The following ATP8A2 variants were observed in gnomAD, a reference collection of about 807,000 sequenced individuals.
ATP8A2 encodes ATPase phospholipid transporting 8A2.
ATP8A2 carries 100 observed loss-of-function variants against 165.6 expected under a neutral mutation model. That is an observed-to-expected ratio of 0.60 (90% CI 0.51 to 0.71). ATP8A2 has a LOEUF of 0.71. Among genes scored for constraint, ATP8A2 ranks in the 30% least tolerant of loss-of-function variants. The pLI, the probability that ATP8A2 is intolerant of heterozygous loss-of-function variation, is 0.00. For synonymous variants in ATP8A2, 543 were observed against 548.8 expected, an observed-to-expected ratio of 0.99 and a Z score of 0.15; for missense variants, 1,227 against 1,479.5, an observed-to-expected ratio of 0.83 and a Z score of 2.80.
rs142425548 is a variant in ATP8A2, at chr13:25,902,787, G to A, written c.3183+40379G>A. On this transcript the variant is annotated intron_variant, in intron 33 of 36. Coordinates refer to ENST00000381655, the MANE Select transcript of ATP8A2 (RefSeq NM_016529.6). Reference sequence around the variant, plus strand: ...TCTTATAGTGACCCCAATTCTATGTGTTCAGCCCAGACCTCTTCCTGAACC... The same window carrying A: ...TCTTATAGTGACCCCAATTCTATGTATTCAGCCCAGACCTCTTCCTGAACC... Among the ~76,000 whole-genome samples, 377 of 152,194 alleles carry A rather than the reference G, an allele frequency of 2.5e-3. 3 individuals carry two copies. Among genetic ancestry groups the A allele is most frequent in the African/African-American group, 7.9e-3 (330 of 41,518 alleles).
intron 1 of ATP8A2, among the ~76,000 whole-genome samples, chr13:25,429,447 G>A (rs1053913153): frequency 6.6e-6 from 1 of 151,864 alleles, no homozygotes; most frequent in East Asian, 1.9e-4. Flanking sequence ...TCCGAATTCT[G>A]GGGGATTCAC....
At chr13:25,897,813 C>T (rs1272449587) in intron 33 of ATP8A2, among the ~76,000 whole-genome samples, 2 of 152,230 alleles carry the variant, frequency 1.3e-5, no homozygotes, top group African/African-American at 2.4e-5. Context: ...ACCCTTTCCT[C>T]CAGTTGATTG....
intron 10 of ATP8A2, among the ~76,000 whole-genome samples, chr13:25,544,854 G>T (rs1389323165): frequency 6.6e-6 from 1 of 151,882 alleles, no homozygotes; most frequent in Non-Finnish European, 1.5e-5. Context: ...GTGTGGCCTG[G>T]CTACGGGGGA....
At chr13:25,732,690 A>G (rs2138098285) in intron 25 of ATP8A2, among the ~76,000 whole-genome samples, 1 of 152,300 alleles carries the variant, frequency 6.6e-6, no homozygotes, top group South Asian at 2.1e-4. Flanking sequence ...GCTAAGTGAT[A>G]ACAGAATGGA....
intron 6 of ATP8A2, among the ~76,000 whole-genome samples, chr13:25,536,291 T>A (rs2137957169): frequency 6.6e-6 from 1 of 151,874 alleles, no homozygotes; most frequent in African/African-American, 2.4e-5. Context: ...TTTTTTTTTT[T>A]TTTTAGTGAG....
At position 25,904,680 on chromosome 13, in the gene ATP8A2, A is replaced by G. The variant is rs117666830; in HGVS notation, c.3183+42272A>G. On this transcript the variant is annotated intron_variant, in intron 33 of 36. Coordinates refer to ENST00000381655, the MANE Select transcript of ATP8A2 (RefSeq NM_016529.6). Reference sequence around the variant, plus strand: ...AATGTCAGTGTTATAGTTTTCCCTAATGCTCTCTCTTTTTCCTCACATCTC... The same window carrying G: ...AATGTCAGTGTTATAGTTTTCCCTAGTGCTCTCTCTTTTTCCTCACATCTC... Among the ~76,000 whole-genome samples the G allele has an allele frequency of 2.0e-3, 299 of 152,116 alleles. 2 individuals are homozygous for G. The highest frequency in any genetic ancestry group is 3.4e-3 in the Non-Finnish European group (233 of 67,992).
intron 2 of ATP8A2, among the ~76,000 whole-genome samples, chr13:25,501,881 G>C (rs2036862896): frequency 6.6e-6 from 1 of 152,210 alleles, no homozygotes; most frequent in Admixed American, 6.5e-5. Flanking sequence ...TAGAAGAAAG[G>C]AGGGTGAGTT....
chr13:25,506,452 G>A (rs756909546), intron 2 of ATP8A2, among the ~76,000 whole-genome samples: 12 of 152,226 alleles, frequency 7.9e-5, no homozygotes, highest in Non-Finnish European at 1.6e-4. Flanking sequence ...AGGAGGCCAC[G>A]TCTTGGACAT....
At chr13:25,461,077 C>T (rs1168283168) in intron 1 of ATP8A2, among the ~76,000 whole-genome samples, 1 of 152,242 alleles carries the variant, frequency 6.6e-6, no homozygotes, top group Non-Finnish European at 1.5e-5. Flanking sequence ...TGTTACTTCT[C>T]TTTTCATCTT....
chr13:25,589,868 T>C (rs2040024339), intron 24 of ATP8A2, among the ~76,000 whole-genome samples, 169 bp downstream of exon 24: 1 of 152,234 alleles, frequency 6.6e-6, no homozygotes, highest in African/African-American at 2.4e-5. Flanking sequence ...GAAAGCCTTA[T>C]CTTTAAACAT....
chr13:25,983,462 A>G (rs1484181912), intron 35 of ATP8A2, among the ~76,000 whole-genome samples: 1 of 152,234 alleles, frequency 6.6e-6, no homozygotes, highest in South Asian at 2.1e-4. Flanking sequence ...AAAAAATTGC[A>G]CATAATACCT....
At chr13:25,862,083 C>T (rs1952372374) in intron 32 of ATP8A2, among the ~76,000 whole-genome samples, 1 of 152,138 alleles carries the variant, frequency 6.6e-6, no homozygotes, top group African/African-American at 2.4e-5. Context: ...GCACCTTCAT[C>T]TTCAGGGTAC....
At chr13:25,937,537 G>A (rs1427382124) in intron 33 of ATP8A2, among the ~76,000 whole-genome samples, 20 of 150,730 alleles carry the variant, frequency 1.3e-4, no homozygotes, top group African/African-American at 2.7e-4. Context: ...GAAATACCTC[G>A]GGGCCTTTAA....
At chr13:25,910,697 C>T (rs1954079159) in intron 33 of ATP8A2, among the ~76,000 whole-genome samples, 2 of 152,186 alleles carry the variant, frequency 1.3e-5, no homozygotes, top group South Asian at 2.1e-4. Flanking sequence ...TAGGAAAACA[C>T]GCTGTTTCGC....
chr13:25,726,270 A>C (rs2138059663), intron 25 of ATP8A2, among the ~76,000 whole-genome samples: 1 of 152,318 alleles, frequency 6.6e-6, no homozygotes, highest in East Asian at 1.9e-4. Context: ...AATGTAACTC[A>C]ATGTGTCAGG....
chr13:25,498,981 C>T (rs112214097), intron 2 of ATP8A2, among the ~76,000 whole-genome samples: 2 of 152,134 alleles, frequency 1.3e-5, no homozygotes, highest in African/African-American at 4.8e-5. Context: ...TTGTTCTAAT[C>T]AGTACATAGG....
chr13:25,774,766 C>T (rs2044703269), intron 26 of ATP8A2, 83 bp from the exon 27 acceptor site: 2 of 780,596 alleles, frequency 2.6e-6, no homozygotes, highest in South Asian at 1.6e-5. Flanking sequence ...CATTATCTGA[C>T]TTCTGTTCAT....
intron 24 of ATP8A2, among the ~76,000 whole-genome samples, chr13:25,656,740 CAAAA>C (rs11326774): frequency 1.7e-5 from 2 of 114,840 alleles, no homozygotes; most frequent in African/African-American, 3.1e-5. Context: ...GACTCTGTCT[CAAAA>C]AAAAAAAAAA....
At chr13:25,814,739 G>A (rs1950965219) in intron 27 of ATP8A2, among the ~76,000 whole-genome samples, 1 of 152,056 alleles carries the variant, frequency 6.6e-6, no homozygotes, top group Non-Finnish European at 1.5e-5. Context: ...ATTCAGGACA[G>A]ATGCAGTGGC....
Sources: allele counts gnomAD v4.1 joint callset (sites outside exome capture counted in the v4.1 genomes callset), GRCh38; gene constraint gnomAD v4.1.1; transcripts MANE v1.5; gene names NCBI Gene and HGNC (gene_info 2026-07-23, HGNC 2026-07-21).